The following THSD7A variants were observed in gnomAD, a reference collection of about 807,000 sequenced individuals.
THSD7A encodes the protein thrombospondin type 1 domain containing 7A, also known as thrombospondin type-1 domain-containing protein 7A.
THSD7A carries 96 observed loss-of-function variants against 231.3 expected under a neutral mutation model. The ratio of observed to expected loss-of-function variants is 0.41; its 90% confidence interval spans 0.35 to 0.49. THSD7A has a LOEUF of 0.49. Among genes scored for constraint, THSD7A ranks in the 20% least tolerant of loss-of-function variants. The pLI, the probability that THSD7A is intolerant of heterozygous loss-of-function variation, is 0.05. For synonymous variants in THSD7A, 940 were observed against 743.3 expected, an observed-to-expected ratio of 1.26 and a Z score of -4.30; for missense variants, 2,290 against 2,070.2, an observed-to-expected ratio of 1.11 and a Z score of -2.06.
intron 4 of THSD7A, among the ~76,000 whole-genome samples, chr7:11,578,816 A>G (rs914604567): frequency 6.6e-6 from 1 of 152,232 alleles, no homozygotes; most frequent in African/African-American, 2.4e-5. Flanking sequence ...TTTTGCTTCA[A>G]TGGATAGGTG....
chr7:11,599,665 G>A (rs192628450), intron 2 of THSD7A, among the ~76,000 whole-genome samples: 41 of 152,200 alleles, frequency 2.7e-4, no homozygotes, highest in African/African-American at 7.9e-4. Flanking sequence ...CCTTACTATT[G>A]TCTTTATTTT....
At chr7:11,724,460 A>G (rs1781475981) in intron 1 of THSD7A, among the ~76,000 whole-genome samples, 1 of 151,912 alleles carries the variant, frequency 6.6e-6, no homozygotes, top group Non-Finnish European at 1.5e-5. Flanking sequence ...ATTGCTTATA[A>G]TCAGTCATAC....
At position 11,591,507 on chromosome 7, in the gene THSD7A, T is replaced by A. The variant is rs564426385; in HGVS notation, c.1272-866A>T. Among the ~76,000 whole-genome samples, 3 of 152,284 alleles carry A rather than the reference T, an allele frequency of 2.0e-5. No individual in the cohort carries two copies. In the South Asian group the frequency reaches 6.2e-4, roughly 32 times the overall value. On this transcript the variant is annotated intron_variant, in intron 3 of 27. Transcript: ENST00000423059. ...TTAGTAATCAGATGAACAGCCAACA[T>A]AGGTGCAAATGGATGTGCAAATATT...
chr7:11,791,652 C>T (rs539751766), intron 1 of THSD7A, among the ~76,000 whole-genome samples: 5 of 151,698 alleles, frequency 3.3e-5, no homozygotes, highest in African/African-American at 7.3e-5. Flanking sequence ...TTTCCTTAGA[C>T]GAAAAGAGAG....
At chr7:11,560,318 G>A (rs887000203) in intron 4 of THSD7A, among the ~76,000 whole-genome samples, 1 of 152,176 alleles carries the variant, frequency 6.6e-6, no homozygotes, top group African/African-American at 2.4e-5. Context: ...TAGGCCTGAT[G>A]CTTTTAGGGG....
At chr7:11,683,576 C>T (rs1277624504) in intron 1 of THSD7A, among the ~76,000 whole-genome samples, 4 of 152,022 alleles carry the variant, frequency 2.6e-5, no homozygotes, top group Non-Finnish European at 5.9e-5. Flanking sequence ...AAAAGATCCT[C>T]AGATTCTACT....
intron 4 of THSD7A, among the ~76,000 whole-genome samples, chr7:11,543,595 G>A (rs1346397987): frequency 6.6e-6 from 1 of 152,168 alleles, no homozygotes; most frequent in African/African-American, 2.4e-5. Flanking sequence ...GGATTGAGAG[G>A]TAGCAGGTGA....
At position 11,371,529 on chromosome 7, in the gene THSD7A, G is replaced by A. The variant is rs1468806224; in HGVS notation, c.*4265C>T. 1 of 152,128 alleles carries A rather than the reference G, an allele frequency of 6.6e-6. No individual in the cohort carries two copies. The highest frequency in any genetic ancestry group is 6.6e-5 in the Admixed American group (1 of 15,242). The allele number at this position is 152,128 out of a possible 1,614,324, so 9.4% of individuals were successfully genotyped here. A position where few individuals can be genotyped will look rare whatever the true frequency, so the allele number is the denominator to read the frequency against. On this transcript the variant is annotated 3_prime_UTR_variant, in exon 28 of 28. Transcript: ENST00000423059. ...GAATTTGGTAATATATTTATAAACA[G>A]GAGATCCCAGATCATTTGGGAATTG...
At chr7:11,394,302 A>G (rs964279086) in intron 23 of THSD7A, among the ~76,000 whole-genome samples, 1 of 152,216 alleles carries the variant, frequency 6.6e-6, no homozygotes, top group Admixed American at 6.5e-5. Context: ...CTTTACAGAC[A>G]AGCAAGTGCT....
chr7:11,668,931 C>G (rs1783264986), intron 1 of THSD7A, among the ~76,000 whole-genome samples: 1 of 152,144 alleles, frequency 6.6e-6, no homozygotes, highest in African/African-American at 2.4e-5. Flanking sequence ...TAACACAAGA[C>G]TATCAGTTTC....
chr7:11,550,895 C>G (rs1029468418), intron 4 of THSD7A, among the ~76,000 whole-genome samples: 1 of 151,968 alleles, frequency 6.6e-6, no homozygotes, highest in Non-Finnish European at 1.5e-5. Flanking sequence ...GCCAAAGCAA[C>G]CCTAAGCAAA....
chr7:11,823,014 T>TAAAACTGATTGCTCAGAGCATAA (rs2128187593), intron 1 of THSD7A, among the ~76,000 whole-genome samples: 1 of 152,206 alleles, frequency 6.6e-6, no homozygotes, highest in East Asian at 1.9e-4. Context: ...GTCTCAGTCA[T>TAAAACTGATTGCTCAGAGCATAA]AAACTGATTG....
At chr7:11,481,225 G>T (rs1278406425) in intron 7 of THSD7A, among the ~76,000 whole-genome samples, 1 of 152,078 alleles carries the variant, frequency 6.6e-6, no homozygotes, top group Admixed American at 6.6e-5. Context: ...AGGGTGAAGA[G>T]ATTTAGGAGC....
intron 1 of THSD7A, among the ~76,000 whole-genome samples, chr7:11,759,257 T>C (rs948486220): frequency 2.0e-5 from 3 of 152,024 alleles, no homozygotes; most frequent in Admixed American, 6.6e-5. Flanking sequence ...AATATCAATA[T>C]GTAGTGAAAG....
At chr7:11,707,382 C>T (rs1343979255) in intron 1 of THSD7A, among the ~76,000 whole-genome samples, 1 of 150,916 alleles carries the variant, frequency 6.6e-6, no homozygotes, top group Non-Finnish European at 1.5e-5. Context: ...TTCTGTTTAC[C>T]ATGGCATCCT....
intron 1 of THSD7A, among the ~76,000 whole-genome samples, chr7:11,825,404 A>G (rs780251340): frequency 6.6e-6 from 1 of 152,050 alleles, no homozygotes; most frequent in Non-Finnish European, 1.5e-5. Context: ...TCCATTCTAT[A>G]ATGGTGTCTC....
intron 6 of THSD7A, among the ~76,000 whole-genome samples, chr7:11,534,556 G>A (rs572611418): frequency 6.6e-6 from 1 of 152,282 alleles, no homozygotes; most frequent in African/African-American, 2.4e-5. Context: ...CCACAAGAGA[G>A]CTCAGGTGAA....
chr7:11,601,209 T>C (rs1011341013), intron 2 of THSD7A, among the ~76,000 whole-genome samples: 2 of 152,206 alleles, frequency 1.3e-5, no homozygotes, highest in Non-Finnish European at 2.9e-5. Context: ...TATCCTCTTT[T>C]TCATACTTAT....
rs183898315 is a variant in THSD7A, at chr7:11,814,282, C to T, written c.190+17475G>A. ...TGGGTGATTGCATGCTACGTGCATT[C>T]TATCAAATAAAGCTGTTAAAAGAAT... On this transcript the variant is annotated intron_variant, in intron 1 of 27. Coordinates refer to ENST00000423059, the MANE Select transcript of THSD7A (RefSeq NM_015204.3). This position sits in a 1 kb window ranked among gnomAD's most constrained non-coding sequence, Gnocchi z 5.1. Among the ~76,000 whole-genome samples the T allele has an allele frequency of 7.2e-5, 11 of 152,226 alleles. No homozygotes were observed. In the South Asian group the frequency reaches 1.5e-3, roughly 20 times the overall value.
Sources: gnomAD v4.1 joint callset for allele counts (sites outside exome capture counted in the v4.1 genomes callset) on GRCh38, gnomAD v4.1.1 for gene constraint, Gnocchi (gnomAD v3.1) non-coding constraint, MANE v1.5 for transcripts, NCBI Gene and HGNC (gene_info 2026-07-23, HGNC 2026-07-21) for gene names.